Variants in TBC1D9B observed in about 807,000 individuals in gnomAD.
TBC1D9B encodes TBC1 domain family, member 9B (with GRAM domain).
Under a neutral mutation model 121.1 loss-of-function variants are expected in TBC1D9B, and 87 were observed. The ratio of observed to expected loss-of-function variants is 0.72; its 90% CI spans 0.60 to 0.86. TBC1D9B has a LOEUF of 0.86. Ranked by LOEUF, TBC1D9B falls within the 40% of genes least tolerant of loss-of-function variation. TBC1D9B has a pLI of 0.00. For synonymous variants in TBC1D9B, 668 were observed against 670.1 expected (o/e 1.00, Z 0.05); for missense variants, 1,540 against 1,628.6 (o/e 0.95, Z 0.94).
intron 7 of TBC1D9B, chr5:179,884,569 C>A (rs866648582): frequency 9.9e-5 from 15 of 152,234 alleles, no homozygotes; most frequent in African/African-American, 3.4e-4. Context: ...GACATCTGTA[C>A]ACCCATGTTC....
rs764253504 is a variant in TBC1D9B at position 179,875,015 on chromosome 5, A to G, written c.2073T>C (p.Phe691=). 4 of 1,614,038 alleles carry G rather than the reference A, an allele frequency of 2.5e-6. No individual in the cohort carries two copies. In the Admixed American group the frequency reaches 6.7e-5, roughly 27 times the overall value. ...FESAVVIVDC[F]FYEGIKVILQ... ...GGATCACCTTGATGCCCTCATAGAA[A>G]AAGCAGTCGACGATGACCACGGCGC... The change falls in exon 12 of 21, where the codon TTT becomes TTC. Residue 691 remains phenylalanine, a synonymous_variant. Transcript: ENST00000355235. This position sits in a 1 kb window ranked among gnomAD's most constrained non-coding sequence, Gnocchi z 4.5.
At position 179,885,384 on chromosome 5, in the gene TBC1D9B, G is replaced by A. The variant is rs1349488641; in HGVS notation, c.1254+2719C>T. On this transcript the variant is annotated intron_variant, in intron 7 of 20. Coordinates refer to ENST00000355235, the MANE Select transcript of TBC1D9B (RefSeq NM_015043.4). The surrounding 1 kb of genome is among the most constrained non-coding windows in gnomAD (Gnocchi z 4.5). Reference sequence around the variant, plus strand: ...GCAGGTGGATCGCCTGAGGTCAGGAGTTCAAGACCAGACTGGCCAACATGG... The same window carrying A: ...GCAGGTGGATCGCCTGAGGTCAGGAATTCAAGACCAGACTGGCCAACATGG... 1.3e-5 allele frequency among the ~76,000 whole-genome samples: 2 copies of A among 152,152 alleles called. No homozygotes were observed. Among genetic ancestry groups the A allele is most frequent in the Non-Finnish European group, 2.9e-5 (2 of 68,020 alleles).
At chr5:179,903,308 A>C (rs1251952633) in intron 2 of TBC1D9B, among the ~76,000 whole-genome samples, 3 of 152,238 alleles carry the variant, frequency 2.0e-5, no homozygotes, top group Non-Finnish European at 4.4e-5. Context: ...AGTGCCTGGC[A>C]CACAGGAAGC....
At chr5:179,879,354 A>AGGTGTGGCT in intron 8 of TBC1D9B, 157 bp from the exon 9 acceptor site, 1 of 1,237,844 alleles carries the variant, frequency 8.1e-7, no homozygotes, top group Non-Finnish European at 1.1e-6. Flanking sequence ...GCGCTGAGCC[A>AGGTGTGGCT]CACCTCCCAA....
intron 1 of TBC1D9B, among the ~76,000 whole-genome samples, chr5:179,906,654 T>C (rs1336752363): frequency 6.6e-6 from 1 of 152,110 alleles, no homozygotes; most frequent in Non-Finnish European, 1.5e-5. Context: ...CCGAGATCCT[T>C]GAAGCCCACT....
At chr5:179,872,848 G>GCCCCCCCCCCC in intron 14 of TBC1D9B, 44 bp downstream of exon 14, 3 of 1,457,252 alleles carry the variant, frequency 2.1e-6, no homozygotes, top group Non-Finnish European at 1.9e-6. Context: ...AGGCACTGCT[G>GCCCCCCCCCCC]CCCCCCCAGC....
At chr5:179,870,559 G>A in intron 15 of TBC1D9B, 64 bp from the exon 16 acceptor site, 2 of 1,519,270 alleles carry the variant, frequency 1.3e-6, no homozygotes, top group South Asian at 1.3e-5. Context: ...GGACCCCTAG[G>A]CTGGTGGTGT....
chr5:179,896,348 T>C (rs939060667), intron 3 of TBC1D9B, among the ~76,000 whole-genome samples: 1 of 152,232 alleles, frequency 6.6e-6, no homozygotes, highest in Non-Finnish European at 1.5e-5. Context: ...TCTTCTCTTA[T>C]ACCAGTGCTA....
At chr5:179,868,002 TTGA>T (rs1353632569) in intron 17 of TBC1D9B, 153 bp from the exon 18 acceptor site, 2 of 554,240 alleles carry the variant, frequency 3.6e-6, no homozygotes, top group Non-Finnish European at 5.8e-6. Flanking sequence ...GGTAATAGTT[TTGA>T]TGGTGATGAT....
In TBC1D9B at chr5:179,870,304, G is replaced by A. The variant is rs114919910; in HGVS notation, c.2676C>T (p.Asp892=). 4.6e-4 allele frequency: 745 copies of A among 1,613,852 alleles called. 2 individuals are homozygous for A. The African/African-American group carries it at 8.2e-3, about 18-fold the overall frequency. ...AGTTGATCAGCGAGTCCTTGTTTTCGTCCAGGAGCCTGAACATGCGCCCTG... is the reference window on the plus strand; with the variant it reads ...AGTTGATCAGCGAGTCCTTGTTTTCATCCAGGAGCCTGAACATGCGCCCTG... ...LLAGRMFRLL[D]ENKDSLINFK... The change falls in exon 16 of 21, where the codon GAC becomes GAT. Residue 892 remains aspartate, a synonymous_variant. Coordinates refer to ENST00000355235, the MANE Select transcript of TBC1D9B (RefSeq NM_015043.4).
chr5:179,865,182 G>T lies in TBC1D9B; in HGVS notation c.3021+72C>A. ...CACCAGGAGATGCTGCAGTGCAGGT[G>T]CGGTGATGTTAGGGCCCAGTCTTGG... is the stretch of plus-strand genomic sequence containing the variant. On this transcript the variant is annotated intron_variant, in intron 20 of 20. Coordinates refer to ENST00000355235, the MANE Select transcript of TBC1D9B (RefSeq NM_015043.4). The surrounding 1 kb of genome is among the most constrained non-coding windows in gnomAD (Gnocchi z 5.1). The T allele has an allele frequency of 1.4e-6, 2 of 1,395,212 alleles. No individual in the cohort carries two copies. Among genetic ancestry groups the T allele is most frequent in the Admixed American group, 1.7e-5 (1 of 59,388 alleles). 86.4% of individuals were successfully genotyped at this position (1,395,212 alleles called of 1,614,324 possible). A position where few individuals can be genotyped will look rare whatever the true frequency, so the allele number is the denominator to read the frequency against.
At chr5:179,884,218 G>A (rs562739022) in intron 7 of TBC1D9B, among the ~76,000 whole-genome samples, 6 of 152,248 alleles carry the variant, frequency 3.9e-5, no homozygotes, top group South Asian at 2.1e-4. Context: ...CTGAGAAATC[G>A]GCTCCCAATT....
Position 179,870,687 on chromosome 5 carries a change from G to A in TBC1D9B, c.2485-192C>T, listed in dbSNP as rs905004541. On this transcript the variant is annotated intron_variant, in intron 15 of 20. Transcript: ENST00000355235. ...CATCAGCCCCTTGTTAACAGATGGG[G>A]AGGGGGTTGGCTGAGAGACAGAGTC... 40 of 864,850 alleles carry A rather than the reference G, an allele frequency of 4.6e-5. No individual in the cohort carries two copies. In the African/African-American group the frequency reaches 5.6e-4, roughly 12 times the overall value. The allele number at this position is 864,850 out of a possible 1,614,324, so 53.6% of individuals were successfully genotyped here.
chr5:179,887,281 C>T (rs893204199), intron 7 of TBC1D9B, among the ~76,000 whole-genome samples: 4 of 152,220 alleles, frequency 2.6e-5, no homozygotes, highest in African/African-American at 9.6e-5. Context: ...GGTTGCCAGA[C>T]ATCTCTTGTT....
rs1434416563 is a variant in TBC1D9B, at chr5:179,904,468, G to A, written c.229+234C>T. Among the ~76,000 whole-genome samples the A allele has an allele frequency of 6.6e-6, 1 of 152,020 alleles. No individual in the cohort carries two copies. Among genetic ancestry groups the A allele is most frequent in the Non-Finnish European group, 1.5e-5 (1 of 67,994 alleles). ...TCTCGATCTCCTGACCTCGTGATCA[G>A]CCCGCCTCGGCCTCCCAAAGTGCTG... On this transcript the variant is annotated intron_variant, in intron 2 of 20. Coordinates refer to ENST00000355235, the MANE Select transcript of TBC1D9B (RefSeq NM_015043.4). The surrounding 1 kb of genome is among the most constrained non-coding windows in gnomAD (Gnocchi z 4.2).
At chr5:179,905,463 C>T (rs910994293) in intron 1 of TBC1D9B, among the ~76,000 whole-genome samples, 3 of 152,186 alleles carry the variant, frequency 2.0e-5, no homozygotes, top group Non-Finnish European at 4.4e-5. Flanking sequence ...CTGAAGAAGT[C>T]GATCTTTAGA....
In TBC1D9B at chr5:179,863,558, TCAC is replaced by T; in HGVS notation, c.3589_3591del (p.Val1197del). The T allele has an allele frequency of 6.2e-7, 1 of 1,614,172 alleles. No homozygotes were observed. Among genetic ancestry groups the T allele is most frequent in the Non-Finnish European group, 8.5e-7 (1 of 1,180,030 alleles). On this transcript the variant is annotated inframe_deletion, in exon 21 of 21. Coordinates refer to ENST00000355235, the MANE Select transcript of TBC1D9B (RefSeq NM_015043.4). The surrounding 1 kb of genome is among the most constrained non-coding windows in gnomAD (Gnocchi z 4.5). Reference sequence around the variant, plus strand: ...ATGTCCACTCTCTTCTCAAAGAAGTTCACCAGCACGGACTCCGTCAGGATGGAG... The same window carrying T: ...ATGTCCACTCTCTTCTCAAAGAAGTTCAGCACGGACTCCGTCAGGATGGAG...
chr5:179,867,693 C>T, intron 18 of TBC1D9B, 85 bp downstream of exon 18: 3 of 1,582,044 alleles, frequency 1.9e-6, no homozygotes, highest in Non-Finnish European at 2.6e-6. Context: ...GGTGGGACTG[C>T]TGGCCACTGC....
At chr5:179,867,344 G>T in intron 18 of TBC1D9B, 1 of 1,311,890 alleles carries the variant, frequency 7.6e-7, no homozygotes, top group Non-Finnish European at 1.0e-6. Flanking sequence ...AGAGGATGAA[G>T]TCCCAGAGAG....
Sources: allele counts gnomAD v4.1 joint callset (sites outside exome capture counted in the v4.1 genomes callset), GRCh38; gene constraint gnomAD v4.1.1; non-coding constraint Gnocchi (gnomAD v3.1); transcripts MANE v1.5; gene names NCBI Gene and HGNC (gene_info 2026-07-23, HGNC 2026-07-21).